MAN1A2: variants seen among roughly 807,000 people sequenced by gnomAD.
MAN1A2 encodes mannosidase alpha class 1A member 2, also known as mannosyl-oligosaccharide 1,2-alpha-mannosidase IB.
In MAN1A2, 26 loss-of-function variants were observed where a neutral mutation model predicts 75.7. That is an observed-to-expected ratio of 0.34 (90% CI 0.25 to 0.48). MAN1A2 has a LOEUF of 0.48. MAN1A2 is among the 20% of genes least tolerant of loss of function. The probability of loss-of-function intolerance (pLI) is 0.99; values close to 1 mark genes in which losing one functional copy is unlikely to be tolerated. For synonymous variants in MAN1A2, 247 were observed against 264.6 expected (o/e 0.93, Z 0.65); for missense variants, 562 against 775.5 (o/e 0.72, Z 3.27).
At chr1:117,448,597 G>T (rs541615432) in intron 6 of MAN1A2, among the ~76,000 whole-genome samples, 1 of 152,290 alleles carries the variant, frequency 6.6e-6, no homozygotes, top group African/African-American at 2.4e-5. Flanking sequence ...CTTGAAGGCA[G>T]ATTTGACACT....
In MAN1A2 at chr1:117,420,578, G is replaced by T. The variant is rs1245112219; in HGVS notation, c.784G>T (p.Val262Leu). ...AATATGTTTTTCACAGAATTCAGAG[G>T]TGTCTGTGTTTGAAGTCAACATTCG... ...DNLDFSVNSE[V>L]SVFEVNIRFI... The change falls in exon 5 of 13, where the codon GTG becomes TTG. Residue 262 changes from valine (V) to leucine (L), a missense_variant. Val to Leu is a conservative substitution (Grantham distance 32, BLOSUM62 1). This residue lies in a region of MAN1A2 where 434 missense variants were observed against 645.7 expected (regional missense o/e 0.67). Coordinates refer to ENST00000356554, the MANE Select transcript of MAN1A2 (RefSeq NM_006699.5). 1 of 1,609,494 alleles carries T rather than the reference G, an allele frequency of 6.2e-7. No individual in the cohort carries two copies. Among genetic ancestry groups the T allele is most frequent in the Admixed American group, 1.7e-5 (1 of 59,852 alleles).
chr1:117,486,748 T>C (rs1650715892), intron 8 of MAN1A2, among the ~76,000 whole-genome samples: 1 of 151,920 alleles, frequency 6.6e-6, no homozygotes, highest in Non-Finnish European at 1.5e-5. Flanking sequence ...AATTTCCAAT[T>C]AATGAGCGTT....
At position 117,526,155 on chromosome 1, in the gene MAN1A2, A is replaced by G. The variant is rs1385350581; in HGVS notation, c.*3198A>G. The G allele has an allele frequency of 6.6e-6, 1 of 151,838 alleles. No individual in the cohort carries two copies. The highest frequency in any genetic ancestry group is 1.5e-5 in the Non-Finnish European group (1 of 67,812). The allele number at this position is 151,838 out of a possible 1,614,324, so 9.4% of individuals were successfully genotyped here. On this transcript the variant is annotated 3_prime_UTR_variant, in exon 13 of 13. Coordinates refer to ENST00000356554, the MANE Select transcript of MAN1A2 (RefSeq NM_006699.5). ...TGTTTGCCATTCTCATTTATAATGC[A>G]GTTTCTCCTTAAGCCTGGAGTTTTT... is the stretch of plus-strand genomic sequence containing the variant.
chr1:117,437,210 A>C (rs10923294), intron 5 of MAN1A2, among the ~76,000 whole-genome samples: 93,561 of 151,962 alleles, frequency 0.62, 29,111 homozygotes, highest in Non-Finnish European at 0.65. Context: ...GAATATTTGG[A>C]AGAAGTCTCA....
At chr1:117,374,974 G>A (rs1653091562) in intron 1 of MAN1A2, among the ~76,000 whole-genome samples, 1 of 151,982 alleles carries the variant, frequency 6.6e-6, no homozygotes, top group Admixed American at 6.6e-5. Flanking sequence ...AATCTATACC[G>A]ATTTAAAATG....
chr1:117,395,786 A>G (rs549586288), intron 1 of MAN1A2, among the ~76,000 whole-genome samples: 72 of 152,336 alleles, frequency 4.7e-4, no homozygotes, highest in African/African-American at 1.7e-3. Flanking sequence ...ACAGTTCTTC[A>G]CATGACCACT....
At chr1:117,518,420 A>G (rs968036879) in intron 12 of MAN1A2, among the ~76,000 whole-genome samples, 3 of 152,022 alleles carry the variant, frequency 2.0e-5, no homozygotes, top group Non-Finnish European at 4.4e-5. Context: ...GTTTTCTTTT[A>G]TGATGAAATG....
At chr1:117,503,839 G>A (rs73020114) in intron 12 of MAN1A2, among the ~76,000 whole-genome samples, 4 of 151,380 alleles carry the variant, frequency 2.6e-5, no homozygotes, top group African/African-American at 4.8e-5. Context: ...AAAATGTACC[G>A]TTCTCAAACT....
chr1:117,394,891 G>T (rs1198793432), intron 1 of MAN1A2, among the ~76,000 whole-genome samples: 1 of 152,144 alleles, frequency 6.6e-6, no homozygotes, highest in Non-Finnish European at 1.5e-5. Flanking sequence ...TTTTAAGGAC[G>T]GGTGAAACTT....
At chr1:117,472,759 G>T (rs1326182018) in intron 8 of MAN1A2, among the ~76,000 whole-genome samples, 3 of 151,920 alleles carry the variant, frequency 2.0e-5, no homozygotes, top group Non-Finnish European at 4.4e-5. Flanking sequence ...CAGGGCACTG[G>T]ATGGCTTTGA....
At chr1:117,461,680 A>T (rs965573752) in intron 7 of MAN1A2, among the ~76,000 whole-genome samples, 2 of 152,158 alleles carry the variant, frequency 1.3e-5, no homozygotes, top group Non-Finnish European at 2.9e-5. Flanking sequence ...ATAAAAATTA[A>T]AAATAAAAAT....
chr1:117,517,803 A>G (rs1227139367), intron 12 of MAN1A2, among the ~76,000 whole-genome samples: 1 of 151,980 alleles, frequency 6.6e-6, no homozygotes, highest in Non-Finnish European at 1.5e-5. Context: ...CCAAGAAGCT[A>G]AACAAACTCC....
intron 5 of MAN1A2, among the ~76,000 whole-genome samples, chr1:117,434,235 G>C (rs1570741950): frequency 6.6e-6 from 1 of 152,136 alleles, no homozygotes; most frequent in African/African-American, 2.4e-5. Flanking sequence ...TTTTCTGTCT[G>C]TAATAGTCTC....
At chr1:117,429,576 G>A (rs1648518708) in intron 5 of MAN1A2, among the ~76,000 whole-genome samples, 3 of 111,262 alleles carry the variant, frequency 2.7e-5, no homozygotes, top group Non-Finnish European at 3.9e-5. Flanking sequence ...TGGCCGGGCG[G>A]GGGGCTGACC....
rs76624308 is a variant in MAN1A2 at position 117,381,021 on chromosome 1, T to A, written c.302+12536T>A. On this transcript the variant is annotated intron_variant, in intron 1 of 12. Transcript: ENST00000356554. ...AGGATATCTTCCCATTTTTGAGGTCTTCTTTAATTTTTCAGCAATGTTTAT... is the reference window on the plus strand; with the variant it reads ...AGGATATCTTCCCATTTTTGAGGTCATCTTTAATTTTTCAGCAATGTTTAT... Among the ~76,000 whole-genome samples, 208 of 152,284 alleles carry A rather than the reference T, an allele frequency of 1.4e-3. 4 individuals carry two copies. In the East Asian group the frequency reaches 0.037, roughly 27 times the overall value.
At chr1:117,399,946 G>T (rs1478723951) in intron 1 of MAN1A2, among the ~76,000 whole-genome samples, 2 of 152,150 alleles carry the variant, frequency 1.3e-5, no homozygotes, top group Non-Finnish European at 2.9e-5. Flanking sequence ...GATGGATTAT[G>T]ATCTGTTCTC....
rs3050979 is a variant in MAN1A2 at position 117,512,750 on chromosome 1, TACACAC to T, written c.1793+9809_1793+9814del. Among the ~76,000 whole-genome samples the T allele has an allele frequency of 3.2e-3, 467 of 143,850 alleles. 5 individuals carry two copies. Among genetic ancestry groups the T allele is most frequent in the African/African-American group, 0.011 (413 of 38,532 alleles). 94.4% of individuals were successfully genotyped at this position (143,850 alleles called of 152,430 possible). On this transcript the variant is annotated intron_variant, in intron 12 of 12. Coordinates refer to ENST00000356554, the MANE Select transcript of MAN1A2 (RefSeq NM_006699.5). Reference sequence around the variant, plus strand: ...GCAATCTAAATATTAGGCACTGGGATACACACACACACACACACACACACACACACA... The same window carrying T: ...GCAATCTAAATATTAGGCACTGGGATACACACACACACACACACACACACA...
At chr1:117,429,964 C>T (rs1418828897) in intron 5 of MAN1A2, among the ~76,000 whole-genome samples, 2 of 73,260 alleles carry the variant, frequency 2.7e-5, no homozygotes, top group Admixed American at 1.1e-4. Context: ...CCAGACGGGG[C>T]GGCTGGCCGG....
At chr1:117,522,621 A>T (rs1651898269) in intron 12 of MAN1A2, among the ~76,000 whole-genome samples, 1 of 151,750 alleles carries the variant, frequency 6.6e-6, no homozygotes, top group African/African-American at 2.4e-5. Context: ...CTAGTTGTTC[A>T]TCTTACTGGA....
Sources: gnomAD v4.1 joint callset for allele counts (sites outside exome capture counted in the v4.1 genomes callset) on GRCh38, gnomAD v4.1.1 for gene constraint, gnomAD v4.1.1 regional missense constraint, MANE v1.5 for transcripts, NCBI Gene and HGNC (gene_info 2026-07-23, HGNC 2026-07-21) for gene names.